DNAI1: variants seen among roughly 807,000 people sequenced by gnomAD.
DNAI1 encodes dynein, axonemal, intermediate polypeptide 1.
DNAI1 carries 67 observed loss-of-function variants against 92.0 expected under a neutral mutation model. That is an observed-to-expected ratio of 0.73 (90% CI 0.60 to 0.89). The LOEUF (loss-of-function observed/expected upper bound fraction) is 0.89. Among genes scored for constraint, DNAI1 ranks in the 40% least tolerant of loss-of-function variants. DNAI1 has a pLI of 0.00. For missense variants in DNAI1, 839 were observed against 866.6 expected, an observed-to-expected ratio of 0.97 and a Z score of 0.40; for synonymous variants, 323 against 319.6, an observed-to-expected ratio of 1.01 and a Z score of -0.11.
At chr9:34,491,446 A>G in intron 7 of DNAI1, 49 bp from the exon 8 acceptor site, 1 of 1,601,078 alleles carries the variant, frequency 6.2e-7, no homozygotes, top group East Asian at 2.2e-5. Context: ...GGATTAAGTG[A>G]GAAGGAGTTG....
At chr9:34,477,788 A>G (rs2132050078) in intron 1 of DNAI1, among the ~76,000 whole-genome samples, 1 of 152,250 alleles carries the variant, frequency 6.6e-6, no homozygotes, top group South Asian at 2.1e-4. Context: ...GGGTGAAAAA[A>G]GAACATAATG....
chr9:34,485,604 A>G lies in DNAI1; in HGVS notation c.261+87A>G. On this transcript the variant is annotated intron_variant, in intron 4 of 19. Coordinates refer to ENST00000242317, the MANE Select transcript of DNAI1 (RefSeq NM_012144.4). Reference sequence around the variant, plus strand: ...GCTACATTGCAAAAGCCTCTCAGTAATTCTAGAGGAGAGCACTTTTAAACT... The same window carrying G: ...GCTACATTGCAAAAGCCTCTCAGTAGTTCTAGAGGAGAGCACTTTTAAACT... The G allele has an allele frequency of 2.4e-6, 3 of 1,268,578 alleles. No individual in the cohort carries two copies. The South Asian group carries it at 3.8e-5, about 16-fold the overall frequency. 78.6% of individuals were successfully genotyped at this position (1,268,578 alleles called of 1,614,324 possible).
chr9:34,497,285 T>G, intron 10 of DNAI1, 86 bp downstream of exon 10: 1 of 1,001,678 alleles, frequency 1.0e-6, no homozygotes, highest in Non-Finnish European at 1.6e-6. Context: ...TGTCTCTTGC[T>G]AGCTCCTATA....
In DNAI1 at chr9:34,507,000, G is replaced by C. The variant is rs112367381; in HGVS notation, c.1311+126G>C. 75 of 1,414,096 alleles carry C rather than the reference G, an allele frequency of 5.3e-5. No individual in the cohort carries two copies. In the African/African-American group the frequency reaches 7.9e-4, roughly 15 times the overall value. The allele number at this position is 1,414,096 out of a possible 1,614,324, so 87.6% of individuals were successfully genotyped here. A position where few individuals can be genotyped will look rare whatever the true frequency, so the allele number is the denominator to read the frequency against. On this transcript the variant is annotated intron_variant, in intron 13 of 19. Transcript: ENST00000242317. ...GAGATGAGGATGGCAGGTACCATCA[G>C]GTCAGGATCTGGGTGTCAGAAAAGG...
At chr9:34,463,103 G>T (rs1412618246) in intron 1 of DNAI1, among the ~76,000 whole-genome samples, 7 of 152,126 alleles carry the variant, frequency 4.6e-5, no homozygotes, top group Non-Finnish European at 1.0e-4. Flanking sequence ...TACAGAGGTG[G>T]CATATGAGCA....
chr9:34,498,256 A>C (rs1340991856), intron 10 of DNAI1, among the ~76,000 whole-genome samples: 1 of 152,186 alleles, frequency 6.6e-6, no homozygotes, highest in Non-Finnish European at 1.5e-5. Flanking sequence ...TGCAATTTAC[A>C]TGTTATTATT....
Position 34,493,174 on chromosome 9 carries a change from C to T in DNAI1, c.682-20C>T, listed in dbSNP as rs1468926539. The T allele has an allele frequency of 6.2e-7, 1 of 1,614,170 alleles. No individual in the cohort carries two copies. The highest frequency in any genetic ancestry group is 1.7e-5 in the Admixed American group (1 of 60,032). On this transcript the variant is annotated intron_variant, in intron 8 of 19. Coordinates refer to ENST00000242317, the MANE Select transcript of DNAI1 (RefSeq NM_012144.4). ...AAGATTGCACCTTACAATGATCCTT[C>T]TTATCTCACCCTTGCCTAGTGGGAG...
chr9:34,484,666 T>A (rs1824436194), intron 2 of DNAI1, among the ~76,000 whole-genome samples: 1 of 152,234 alleles, frequency 6.6e-6, no homozygotes, highest in Non-Finnish European at 1.5e-5. Context: ...CTGTGAGGCT[T>A]AAAATAACTA....
rs533958955 is a variant in DNAI1 at position 34,520,610 on chromosome 9, A to G, written c.2002-48A>G. On this transcript the variant is annotated intron_variant, in intron 19 of 19. Transcript: ENST00000242317. ...GAGGAGGTGGTGCTGGGACCCAGAG[A>G]GGGGGGGCCCACCATTCCTCCCTCA... 1.6e-4 allele frequency: 239 copies of G among 1,514,870 alleles called. 2 individuals are homozygous for G. Among genetic ancestry groups the G allele is most frequent in the East Asian group, 1.1e-3 (43 of 40,676 alleles). 93.8% of individuals were successfully genotyped at this position (1,514,870 alleles called of 1,614,324 possible). A position where few individuals can be genotyped will look rare whatever the true frequency, so the allele number is the denominator to read the frequency against.
chr9:34,478,504 A>G (rs1824280886), intron 1 of DNAI1: 1 of 152,216 alleles, frequency 6.6e-6, no homozygotes, highest in African/African-American at 2.4e-5. Context: ...CTTTTATAAG[A>G]GCAGTGACCT....
intron 12 of DNAI1, among the ~76,000 whole-genome samples, chr9:34,502,109 C>T (rs1824843684): frequency 6.6e-6 from 1 of 152,178 alleles, no homozygotes; most frequent in Admixed American, 6.5e-5. Context: ...GGCATACAAG[C>T]TCCCAGTCAC....
intron 1 of DNAI1, among the ~76,000 whole-genome samples, chr9:34,463,469 G>A (rs765560136): frequency 1.3e-5 from 2 of 152,154 alleles, no homozygotes; most frequent in Non-Finnish European, 2.9e-5. Flanking sequence ...ATAGCAAAGC[G>A]TCCTTCCTGA....
At chr9:34,507,500 A>G (rs1587085631) in intron 13 of DNAI1, among the ~76,000 whole-genome samples, 1 of 152,210 alleles carries the variant, frequency 6.6e-6, no homozygotes, top group East Asian at 1.9e-4. Context: ...CTTCATCCTC[A>G]TCATCTTCAC....
At chr9:34,487,311 G>A (rs1025506320) in intron 4 of DNAI1, among the ~76,000 whole-genome samples, 2 of 151,630 alleles carry the variant, frequency 1.3e-5, no homozygotes, top group Non-Finnish European at 1.5e-5. Context: ...TCAGCCTCCC[G>A]AGTAGCTGGG....
intron 1 of DNAI1, among the ~76,000 whole-genome samples, chr9:34,468,262 A>C (rs1298276055): frequency 6.6e-6 from 1 of 151,884 alleles, no homozygotes; most frequent in Non-Finnish European, 1.5e-5. Context: ...GCTCACTGCA[A>C]GCTCCTCCTT....
chr9:34,489,164 T>C, intron 4 of DNAI1, 159 bp from the exon 5 acceptor site: 1 of 777,896 alleles, frequency 1.3e-6, no homozygotes, highest in East Asian at 2.5e-5. Context: ...TTCTTTAAAC[T>C]GAAATGCAGT....
At chr9:34,514,317 T>C in intron 16 of DNAI1, 77 bp from the exon 17 acceptor site, 1 of 1,578,812 alleles carries the variant, frequency 6.3e-7, no homozygotes, top group Non-Finnish European at 8.6e-7. Context: ...TCTAAGGCTC[T>C]GATCCTCCAG....
chr9:34,508,962 CTTCTT>C (rs1231004389), intron 13 of DNAI1, among the ~76,000 whole-genome samples: 11 of 152,324 alleles, frequency 7.2e-5, no homozygotes, highest in Admixed American at 2.6e-4. Context: ...TTCCTGTTCT[CTTCTT>C]TTCTTCTCAT....
intron 15 of DNAI1, 143 bp downstream of exon 15, chr9:34,512,567 G>A (rs1825087795): frequency 5.0e-6 from 4 of 806,532 alleles, no homozygotes; most frequent in Non-Finnish European, 8.4e-6. Context: ...GGAAGGCCCG[G>A]CCCTGTCTGC....
Sources: allele counts gnomAD v4.1 joint callset (sites outside exome capture counted in the v4.1 genomes callset), GRCh38; gene constraint gnomAD v4.1.1; transcripts MANE v1.5; gene names NCBI Gene and HGNC (gene_info 2026-07-23, HGNC 2026-07-21).